Variants in SPSB1 observed in about 807,000 individuals in gnomAD.
SPSB1 encodes the protein SPRY domain-containing SOCS box protein 1.
In SPSB1, 8 loss-of-function variants were observed where a neutral mutation model predicts 21.2. The ratio of observed to expected loss-of-function variants is 0.38; its 90% confidence interval spans 0.22 to 0.68. The LOEUF (loss-of-function observed/expected upper bound fraction) is 0.68. Ranked by LOEUF, SPSB1 falls within the 30% of genes least tolerant of loss-of-function variation. The pLI is 0.53. For synonymous variants in SPSB1, 169 were observed against 161.7 expected (o/e 1.05, Z -0.34); for missense variants, 242 against 377.8 (o/e 0.64, Z 2.98).
intron 2 of SPSB1, among the ~76,000 whole-genome samples, chr1:9,359,626 C>T (rs933356005): frequency 1.3e-5 from 2 of 150,016 alleles, no homozygotes; most frequent in Non-Finnish European, 3.0e-5. Context: ...TGCTTGAACC[C>T]GGGAGGTGGA....
rs190743534 is a variant in SPSB1 at position 9,346,632 on chromosome 1, G to A, written c.-149-9111G>A. ...ATTGAAACACCATCGGGGGGTTGCC[G>A]GCAGGTGCTGTGCAGTCTGGCCTGT... is the stretch of plus-strand genomic sequence containing the variant. On this transcript the variant is annotated intron_variant, in intron 1 of 2. Transcript: ENST00000328089. The surrounding 1 kb of genome is among the most constrained non-coding windows in gnomAD (Gnocchi z 4.4). Among the ~76,000 whole-genome samples the A allele has an allele frequency of 1.3e-5, 2 of 152,166 alleles. No individual in the cohort carries two copies. Among genetic ancestry groups the A allele is most frequent in the African/African-American group, 2.4e-5 (1 of 41,424 alleles).
chr1:9,311,295 C>G lies in SPSB1; in HGVS notation c.-150+18224C>G, dbSNP rs187142546. Among the ~76,000 whole-genome samples, 1,003 of 152,140 alleles carry G rather than the reference C, an allele frequency of 6.6e-3. 6 individuals carry two copies. Among genetic ancestry groups the G allele is most frequent in the Non-Finnish European group, 8.1e-3 (554 of 68,002 alleles). The stretch of plus-strand genomic sequence containing the variant: ...GCCGACCCAGGAGGCTGCGTCTGAG[C>G]CGAGTCCTGACCCATGACTGGGGTT... On this transcript the variant is annotated intron_variant, in intron 1 of 2. Coordinates refer to ENST00000328089, the MANE Select transcript of SPSB1 (RefSeq NM_025106.4).
rs1358679353 is a variant in SPSB1 at position 9,321,325 on chromosome 1, G to A, written c.-150+28254G>A. ...GAAGAACTCCTTACAGAGAAAGCCC[G>A]TGTGTGTGGTGGAGCTCTAGACAGC... On this transcript the variant is annotated intron_variant, in intron 1 of 2. Coordinates refer to ENST00000328089, the MANE Select transcript of SPSB1 (RefSeq NM_025106.4). The surrounding 1 kb of genome is among the most constrained non-coding windows in gnomAD (Gnocchi z 4.8). Among the ~76,000 whole-genome samples, 7 of 152,168 alleles carry A rather than the reference G, an allele frequency of 4.6e-5. No individual in the cohort carries two copies. Among genetic ancestry groups the A allele is most frequent in the South Asian group, 2.1e-4 (1 of 4,832 alleles).
At chr1:9,338,324 G>A (rs1640037192) in intron 1 of SPSB1, among the ~76,000 whole-genome samples, 1 of 152,198 alleles carries the variant, frequency 6.6e-6, no homozygotes, top group Non-Finnish European at 1.5e-5. Flanking sequence ...TGTCCCCAGG[G>A]AGGAGGTTCG....
intron 1 of SPSB1, among the ~76,000 whole-genome samples, chr1:9,352,959 G>T (rs954416029): frequency 6.6e-6 from 1 of 151,914 alleles, no homozygotes; most frequent in Non-Finnish European, 1.5e-5. Context: ...TGAGCGGCAG[G>T]GGGGCTGTGG....
chr1:9,316,171 C>A (rs1639609918), intron 1 of SPSB1, among the ~76,000 whole-genome samples: 1 of 152,152 alleles, frequency 6.6e-6, no homozygotes, highest in Non-Finnish European at 1.5e-5. Flanking sequence ...GGGTGGGGAC[C>A]TGGGTGAAGA....
intron 1 of SPSB1, among the ~76,000 whole-genome samples, chr1:9,301,345 A>G (rs1315839873): frequency 6.6e-6 from 1 of 152,112 alleles, no homozygotes; most frequent in Non-Finnish European, 1.5e-5. Flanking sequence ...CTACAAAAAT[A>G]AAAAATTAGC....
intron 1 of SPSB1, among the ~76,000 whole-genome samples, chr1:9,337,172 T>TTGTCCTAGAAACGGTC (rs1408783403): frequency 6.6e-6 from 1 of 152,124 alleles, no homozygotes; most frequent in African/African-American, 2.4e-5. Context: ...TTCCATCTGG[T>TTGTCCTAGAAACGGTC]TGTCCTAGAA....
In SPSB1 at chr1:9,345,209, C is replaced by T. The variant is rs1640151306; in HGVS notation, c.-149-10534C>T. Among the ~76,000 whole-genome samples the T allele has an allele frequency of 6.6e-6, 1 of 152,214 alleles. No individual in the cohort carries two copies. The highest frequency in any genetic ancestry group is 2.4e-5 in the African/African-American group (1 of 41,452). ...GATCCACCCTGCCTCAAGCCCCCGT[C>T]TCCTGCCTTCTGGGGAGCTGCTGGG... On this transcript the variant is annotated intron_variant, in intron 1 of 2. Coordinates refer to ENST00000328089, the MANE Select transcript of SPSB1 (RefSeq NM_025106.4). This position sits in a 1 kb window ranked among gnomAD's most constrained non-coding sequence, Gnocchi z 4.8.
chr1:9,309,309 T>A (rs1192372453), intron 1 of SPSB1, among the ~76,000 whole-genome samples: 88 of 134,662 alleles, frequency 6.5e-4, no homozygotes, highest in African/African-American at 2.3e-3. Context: ...AGAGTGTGTG[T>A]GTGTGTGTGT....
chr1:9,352,413 G>A (rs989350173), intron 1 of SPSB1, among the ~76,000 whole-genome samples: 4 of 152,162 alleles, frequency 2.6e-5, no homozygotes, highest in South Asian at 2.1e-4. Flanking sequence ...TCTGGCTGGC[G>A]GACCCCAGGC....
rs941565431 is a variant in SPSB1 at position 9,363,852 on chromosome 1, G to A, written c.695-3596G>A. Among the ~76,000 whole-genome samples, 2 of 152,134 alleles carry A rather than the reference G, an allele frequency of 1.3e-5. 1 individual carries two copies. The highest frequency in any genetic ancestry group is 2.9e-5 in the Non-Finnish European group (2 of 67,992). ...AGTAGCTGGGACTACAGGCATGCAC[G>A]ACCACACCCAGCTAATTTTTGTATT... is the stretch of plus-strand genomic sequence containing the variant. On this transcript the variant is annotated intron_variant, in intron 2 of 2. Coordinates refer to ENST00000328089, the MANE Select transcript of SPSB1 (RefSeq NM_025106.4). This position sits in a 1 kb window ranked among gnomAD's most constrained non-coding sequence, Gnocchi z 4.5.
chr1:9,363,188 C>A lies in SPSB1; in HGVS notation c.695-4260C>A, dbSNP rs762885922. 6.6e-6 allele frequency among the ~76,000 whole-genome samples: 1 copy of A among 152,170 alleles called. No individual in the cohort carries two copies. The highest frequency in any genetic ancestry group is 1.5e-5 in the Non-Finnish European group (1 of 68,028). ...CCCAGCCTTTGGAAAGCAGTTAGAC[C>A]GGGCCCTATGCGCCATCAGTTTCCT... On this transcript the variant is annotated intron_variant, in intron 2 of 2. Coordinates refer to ENST00000328089, the MANE Select transcript of SPSB1 (RefSeq NM_025106.4). The surrounding 1 kb of genome is among the most constrained non-coding windows in gnomAD (Gnocchi z 4.5).
rs1640350470 is a variant in SPSB1, at chr1:9,355,729, T to C, written c.-149-14T>C. 1 of 1,362,152 alleles carries C rather than the reference T, an allele frequency of 7.3e-7. No individual in the cohort carries two copies. Among genetic ancestry groups the C allele is most frequent in the South Asian group, 2.4e-5 (1 of 42,246 alleles). The allele number at this position is 1,362,152 out of a possible 1,614,324, so 84.4% of individuals were successfully genotyped here. On this transcript the variant is annotated splice_polypyrimidine_tract_variant and intron_variant, in intron 1 of 2. Coordinates refer to ENST00000328089, the MANE Select transcript of SPSB1 (RefSeq NM_025106.4). ...CAGTCCTGCTCACCGGTTGTTTGTC[T>C]TTCCGTCCATTAGGCAATACTGAAC...
chr1:9,320,132 C>T (rs960908690), intron 1 of SPSB1, among the ~76,000 whole-genome samples: 4 of 152,196 alleles, frequency 2.6e-5, no homozygotes, highest in African/African-American at 9.7e-5. Context: ...CTCACCGGCC[C>T]CACCCCCCAC....
chr1:9,357,913 A>G (rs1204309972), intron 2 of SPSB1, among the ~76,000 whole-genome samples: 1 of 152,164 alleles, frequency 6.6e-6, no homozygotes, highest in Non-Finnish European at 1.5e-5. Flanking sequence ...TTGGGAAGCA[A>G]GTGGGCTGGA....
intron 1 of SPSB1, among the ~76,000 whole-genome samples, chr1:9,332,069 G>A (rs1639931003): frequency 6.6e-6 from 1 of 152,064 alleles, no homozygotes; most frequent in Admixed American, 6.5e-5. Context: ...AAAAGCCTTG[G>A]CCAGACGAGG....
intron 1 of SPSB1, among the ~76,000 whole-genome samples, chr1:9,310,567 T>G (rs990911424): frequency 6.6e-6 from 1 of 152,110 alleles, no homozygotes; most frequent in African/African-American, 2.4e-5. Flanking sequence ...TGATGGTGCA[T>G]GCCTGTGATC....
intron 1 of SPSB1, among the ~76,000 whole-genome samples, chr1:9,335,330 C>T (rs534690261): frequency 3.6e-4 from 54 of 151,978 alleles, no homozygotes; most frequent in African/African-American, 1.1e-3. Flanking sequence ...GGCGAAACCC[C>T]GTCTCTACTA....
Sources: allele counts gnomAD v4.1 joint callset (sites outside exome capture counted in the v4.1 genomes callset), GRCh38; gene constraint gnomAD v4.1.1; non-coding constraint Gnocchi (gnomAD v3.1); transcripts MANE v1.5; gene names NCBI Gene and HGNC (gene_info 2026-07-23, HGNC 2026-07-21).